The following ADAMTS6 variants were observed in gnomAD, a reference collection of about 807,000 sequenced individuals.
ADAMTS6 encodes ADAM metallopeptidase with thrombospondin type 1 motif 6.
Under a neutral mutation model 144.3 loss-of-function variants are expected in ADAMTS6, and 23 were observed. The ratio of observed to expected loss-of-function variants is 0.16; its 90% CI spans 0.11 to 0.23. The LOEUF is 0.23. Ranked by LOEUF, ADAMTS6 falls within the 10% of genes least tolerant of loss-of-function variation. The pLI is 1.00. For missense variants in ADAMTS6, 999 were observed against 1,379.6 expected (o/e 0.72, Z 4.37); for synonymous variants, 444 against 457.5 (o/e 0.97, Z 0.38).
chr5:65,408,016 A>G (rs893345490), intron 7 of ADAMTS6, among the ~76,000 whole-genome samples: 1 of 152,202 alleles, frequency 6.6e-6, no homozygotes, highest in African/African-American at 2.4e-5. Context: ...ATGGAAAGGA[A>G]CAACTGGTAC....
In ADAMTS6 at chr5:65,427,667, G is replaced by A. The variant is rs1033749707; in HGVS notation, c.1073+23808C>T. Among the ~76,000 whole-genome samples the A allele has an allele frequency of 4.0e-5, 6 of 151,794 alleles. 1 individual carries two copies. Among genetic ancestry groups the A allele is most frequent in the South Asian group, 2.1e-4 (1 of 4,808 alleles). ...CAAAAAATAAGCCGGGCGTGGTGGC[G>A]GGTGCCTGTAGTCCCAGCTACTTGG... On this transcript the variant is annotated intron_variant, in intron 7 of 24. Coordinates refer to ENST00000381055, the MANE Select transcript of ADAMTS6 (RefSeq NM_197941.4).
intron 7 of ADAMTS6, among the ~76,000 whole-genome samples, chr5:65,438,906 G>A (rs995789781): frequency 1.3e-5 from 2 of 152,158 alleles, no homozygotes; most frequent in Admixed American, 6.5e-5. Context: ...TAGAATTTCT[G>A]TACAAGAAAG....
chr5:65,191,799 T>G (rs1755031083), intron 21 of ADAMTS6, among the ~76,000 whole-genome samples: 1 of 152,152 alleles, frequency 6.6e-6, no homozygotes, highest in Admixed American at 6.5e-5. Context: ...TTTTTCTAAA[T>G]TTTTAAAAAT....
At chr5:65,292,193 A>C (rs1436621662) in intron 10 of ADAMTS6, among the ~76,000 whole-genome samples, 1 of 152,116 alleles carries the variant, frequency 6.6e-6, no homozygotes, top group Admixed American at 6.5e-5. Context: ...ACCCAGACAA[A>C]ATACCTTAGT....
chr5:65,478,822 C>A (rs1050424452), intron 1 of ADAMTS6, among the ~76,000 whole-genome samples: 1 of 152,220 alleles, frequency 6.6e-6, no homozygotes, highest in African/African-American at 2.4e-5. Context: ...GCTTTTCTCC[C>A]TAACACAAAT....
At chr5:65,394,902 T>G (rs1447365006) in intron 7 of ADAMTS6, among the ~76,000 whole-genome samples, 1 of 152,150 alleles carries the variant, frequency 6.6e-6, no homozygotes, top group African/African-American at 2.4e-5. Flanking sequence ...ATTTCCAAAG[T>G]GCTTTCACGT....
chr5:65,470,692 A>ATAT (rs1452200041), intron 3 of ADAMTS6, 86 bp downstream of exon 3: 8 of 994,536 alleles, frequency 8.0e-6, no homozygotes, highest in Non-Finnish European at 9.4e-6. Flanking sequence ...ATATATATAT[A>ATAT]TTTTTTTTTT....
intron 7 of ADAMTS6, among the ~76,000 whole-genome samples, chr5:65,356,013 A>G (rs1215336998): frequency 2.0e-5 from 3 of 151,832 alleles, no homozygotes; most frequent in Non-Finnish European, 4.4e-5. Flanking sequence ...ACACACATTT[A>G]TACACTAGAG....
chr5:65,476,482 A>G (rs189538791), intron 1 of ADAMTS6, among the ~76,000 whole-genome samples: 30 of 152,386 alleles, frequency 2.0e-4, no homozygotes, highest in Non-Finnish European at 3.4e-4. Context: ...GTATAAAACA[A>G]TAGAGCCCAG....
chr5:65,349,446 A>G (rs1267384578), intron 7 of ADAMTS6, among the ~76,000 whole-genome samples: 1 of 152,134 alleles, frequency 6.6e-6, no homozygotes, highest in African/African-American at 2.4e-5. Flanking sequence ...AATATATTTA[A>G]ATTTCAATGT....
intron 24 of ADAMTS6, among the ~76,000 whole-genome samples, chr5:65,156,257 CTT>C (rs1752408905): frequency 1.3e-5 from 2 of 151,706 alleles, no homozygotes; most frequent in South Asian, 4.2e-4. Flanking sequence ...TTATGAAAGC[CTT>C]TTCTCTTCTA....
At chr5:65,362,663 T>C (rs1258106420) in intron 7 of ADAMTS6, among the ~76,000 whole-genome samples, 1 of 152,228 alleles carries the variant, frequency 6.6e-6, no homozygotes, top group East Asian at 1.9e-4. Flanking sequence ...AGTACCATAA[T>C]GGCAAGAATT....
intron 7 of ADAMTS6, among the ~76,000 whole-genome samples, chr5:65,377,845 G>A (rs1457988104): frequency 6.6e-6 from 1 of 152,132 alleles, no homozygotes; most frequent in East Asian, 1.9e-4. Context: ...TTGAAATGAA[G>A]GTATCAGCAG....
At chr5:65,297,169 GGGTTCTTTAT>G in intron 10 of ADAMTS6, 1 of 454,132 alleles carries the variant, frequency 2.2e-6, no homozygotes, top group South Asian at 1.6e-5. Flanking sequence ...TAACGGAAAT[GGGTTCTTTAT>G]TATTTAATCA....
chr5:65,326,188 C>A (rs1746155701), intron 9 of ADAMTS6, among the ~76,000 whole-genome samples: 1 of 152,068 alleles, frequency 6.6e-6, no homozygotes, highest in Non-Finnish European at 1.5e-5. Flanking sequence ...TACTAGATGT[C>A]TGGCTGAATT....
chr5:65,321,708 CTTTTTTTTTT>C (rs529236363), intron 9 of ADAMTS6, among the ~76,000 whole-genome samples: 31 of 78,890 alleles, frequency 3.9e-4, no homozygotes, highest in African/African-American at 1.2e-3. Flanking sequence ...TTTTCTTTTC[CTTTTTTTTTT>C]TTTTTTTTTT....
intron 11 of ADAMTS6, among the ~76,000 whole-genome samples, chr5:65,275,419 A>AAAGAAAG (rs1561364612): frequency 6.3e-5 from 9 of 142,568 alleles, no homozygotes; most frequent in African/African-American, 2.4e-4. Flanking sequence ...AAGAAAGAAA[A>AAAGAAAG]GAAAGAAAGA....
intron 12 of ADAMTS6, among the ~76,000 whole-genome samples, chr5:65,272,877 T>C (rs1049930342): frequency 2.0e-5 from 3 of 150,332 alleles, no homozygotes; most frequent in Non-Finnish European, 4.4e-5. Flanking sequence ...GCCAAGATCG[T>C]ACCCCTGCAC....
At chr5:65,379,828 G>A (rs1354394354) in intron 7 of ADAMTS6, among the ~76,000 whole-genome samples, 1 of 151,780 alleles carries the variant, frequency 6.6e-6, no homozygotes, top group Non-Finnish European at 1.5e-5. Flanking sequence ...ATGCATGTGT[G>A]TTTATATATA....
Sources: allele counts gnomAD v4.1 joint callset (sites outside exome capture counted in the v4.1 genomes callset), GRCh38; gene constraint gnomAD v4.1.1; transcripts MANE v1.5; gene names NCBI Gene and HGNC (gene_info 2026-07-23, HGNC 2026-07-21).